The following SDK1 variants were observed in gnomAD, a reference collection of about 807,000 sequenced individuals.
SDK1 encodes sidekick cell adhesion molecule 1.
A neutral mutation model predicts 245.5 loss-of-function variants in SDK1; 157 were observed. The observed-to-expected ratio is 0.64, with a 90% CI of 0.56 to 0.73. The LOEUF is 0.73. Among genes scored for constraint, SDK1 ranks in the 30% least tolerant of loss-of-function variants. The pLI is 0.00. For missense variants in SDK1, 3,583 were observed against 3,002.3 expected (o/e 1.19, Z -4.52); for synonymous variants, 1,647 against 1,278.5 (o/e 1.29, Z -6.15).
intron 1 of SDK1, among the ~76,000 whole-genome samples, chr7:3,549,290 C>T (rs1034191698): frequency 6.6e-6 from 1 of 152,126 alleles, no homozygotes; most frequent in African/African-American, 2.4e-5. Context: ...AAGGCACCAC[C>T]GGGTTGACAC....
In SDK1 at chr7:3,729,065, G is replaced by C. The variant is rs761200285; in HGVS notation, c.713+86960G>C. Among the ~76,000 whole-genome samples the C allele has an allele frequency of 7.2e-5, 11 of 152,202 alleles. 1 individual carries two copies. Among genetic ancestry groups the C allele is most frequent in the Admixed American group, 2.6e-4 (4 of 15,288 alleles). Reference sequence around the variant, plus strand: ...GTGCTGATTGTGTGAAATCCGGCTTGATCATTTGCTTTAACCATACTGGGC... The same window carrying C: ...GTGCTGATTGTGTGAAATCCGGCTTCATCATTTGCTTTAACCATACTGGGC... On this transcript the variant is annotated intron_variant, in intron 4 of 44. Coordinates refer to ENST00000404826, the MANE Select transcript of SDK1 (RefSeq NM_152744.4).
intron 1 of SDK1, among the ~76,000 whole-genome samples, chr7:3,408,084 C>T (rs1210160570): frequency 1.3e-5 from 2 of 152,008 alleles, no homozygotes; most frequent in East Asian, 3.9e-4. Flanking sequence ...GTCACCCAGG[C>T]TGGAATGCAG....
chr7:3,571,726 C>A (rs527535287), intron 1 of SDK1, among the ~76,000 whole-genome samples: 22 of 152,214 alleles, frequency 1.4e-4, no homozygotes, highest in African/African-American at 4.8e-4. Flanking sequence ...ATGTGAGGAG[C>A]TCAATGAATA....
intron 4 of SDK1, among the ~76,000 whole-genome samples, chr7:3,648,206 G>C (rs921001841): frequency 2.0e-5 from 3 of 152,072 alleles, no homozygotes; most frequent in Admixed American, 2.0e-4. Context: ...TATGAAATGT[G>C]AATATCGATG....
At chr7:4,217,024 A>C (rs113220284) in intron 38 of SDK1, among the ~76,000 whole-genome samples, 5 of 114,644 alleles carry the variant, frequency 4.4e-5, no homozygotes, top group African/African-American at 6.8e-5. Context: ...GCACCACACC[A>C]CCCGGAGCAC....
chr7:3,754,450 A>G (rs1413714365), intron 4 of SDK1, among the ~76,000 whole-genome samples: 1 of 152,226 alleles, frequency 6.6e-6, no homozygotes, highest in African/African-American at 2.4e-5. Context: ...ATGTTACATT[A>G]TTGTGAGGTG....
intron 30 of SDK1, among the ~76,000 whole-genome samples, chr7:4,155,632 A>G (rs1780681368): frequency 6.6e-6 from 1 of 152,224 alleles, no homozygotes; most frequent in Admixed American, 6.5e-5. Context: ...TAAATAAATA[A>G]GTAAACAAAT....
intron 1 of SDK1, chr7:3,337,873 AC>A (rs1272568889): frequency 6.6e-6 from 1 of 152,254 alleles, no homozygotes; most frequent in Non-Finnish European, 1.5e-5. Context: ...TACCAAGCAT[AC>A]CCTTAAAAAC....
At chr7:3,310,660 T>C (rs1297662425) in intron 1 of SDK1, among the ~76,000 whole-genome samples, 1 of 152,168 alleles carries the variant, frequency 6.6e-6, no homozygotes, top group African/African-American at 2.4e-5. Context: ...TGAGGGACCT[T>C]TGAGGCATCT....
chr7:3,511,750 C>A (rs1360701528), intron 1 of SDK1, among the ~76,000 whole-genome samples: 1 of 151,330 alleles, frequency 6.6e-6, no homozygotes, highest in East Asian at 1.9e-4. Flanking sequence ...CATACAAAAT[C>A]AACCATTATT....
intron 1 of SDK1, among the ~76,000 whole-genome samples, chr7:3,531,952 T>G (rs564190626): frequency 1.1e-4 from 16 of 152,374 alleles, no homozygotes; most frequent in Non-Finnish European, 1.9e-4. Flanking sequence ...ACCATTTATC[T>G]GGTCATTTTC....
At chr7:3,788,088 A>G (rs1780961031) in intron 4 of SDK1, among the ~76,000 whole-genome samples, 1 of 151,682 alleles carries the variant, frequency 6.6e-6, no homozygotes, top group Non-Finnish European at 1.5e-5. Context: ...CTGCAGCCCC[A>G]CCTCCCGGCC....
chr7:3,487,600 A>C (rs926051131), intron 1 of SDK1, among the ~76,000 whole-genome samples: 1 of 151,786 alleles, frequency 6.6e-6, no homozygotes, highest in Non-Finnish European at 1.5e-5. Flanking sequence ...ACAAACACCC[A>C]AAAAATTAGC....
At chr7:4,054,243 G>A (rs759515075) in intron 19 of SDK1, among the ~76,000 whole-genome samples, 2 of 152,064 alleles carry the variant, frequency 1.3e-5, no homozygotes, top group African/African-American at 4.8e-5. Context: ...ACTCACCAAG[G>A]TTAACTGAAA....
In SDK1 at chr7:3,438,558, C is replaced by G. The variant is rs180912190; in HGVS notation, c.298+136674C>G. Among the ~76,000 whole-genome samples, 98 of 152,300 alleles carry G rather than the reference C, an allele frequency of 6.4e-4. 2 individuals carry two copies. The East Asian group carries it at 0.018, about 29-fold the overall frequency. On this transcript the variant is annotated intron_variant, in intron 1 of 44. Transcript: ENST00000404826. ...CATTGTGAAGGCCCATGTGTCAGTG[C>G]TGCTGATGGCATGCAGGAGTTGGTC...
chr7:3,779,645 T>A (rs1358494891), intron 4 of SDK1, among the ~76,000 whole-genome samples: 1 of 152,120 alleles, frequency 6.6e-6, no homozygotes, highest in Admixed American at 6.5e-5. Flanking sequence ...AAAGTTAAGA[T>A]GATGAGTCCG....
intron 4 of SDK1, among the ~76,000 whole-genome samples, chr7:3,719,247 T>G (rs1372567824): frequency 6.7e-6 from 1 of 149,574 alleles, no homozygotes; most frequent in African/African-American, 2.5e-5. Context: ...CAGAAAGGTT[T>G]TTTTTTTTTT....
Position 3,353,265 on chromosome 7 carries a change from C to T in SDK1, c.298+51381C>T, listed in dbSNP as rs147258012. Among the ~76,000 whole-genome samples the T allele has an allele frequency of 3.9e-5, 6 of 152,198 alleles. No homozygotes were observed. In the East Asian group the frequency reaches 1.2e-3, roughly 29 times the overall value. Reference sequence around the variant, plus strand: ...TTTTCTTAAAGTGCTTGACTTAATTCTGAATAGCCACTTACAAACTTTGAT... The same window carrying T: ...TTTTCTTAAAGTGCTTGACTTAATTTTGAATAGCCACTTACAAACTTTGAT... On this transcript the variant is annotated intron_variant, in intron 1 of 44. Coordinates refer to ENST00000404826, the MANE Select transcript of SDK1 (RefSeq NM_152744.4).
intron 35 of SDK1, among the ~76,000 whole-genome samples, chr7:4,185,723 C>CT (rs1173653997): frequency 6.6e-6 from 1 of 152,184 alleles, no homozygotes; most frequent in Non-Finnish European, 1.5e-5. Context: ...CTTTTTCTCT[C>CT]TGAGTTCCAT....
Sources: gnomAD v4.1 joint callset for allele counts (sites outside exome capture counted in the v4.1 genomes callset) on GRCh38, gnomAD v4.1.1 for gene constraint, MANE v1.5 for transcripts, NCBI Gene and HGNC (gene_info 2026-07-23, HGNC 2026-07-21) for gene names.